CUL2: variants seen among roughly 807,000 people sequenced by gnomAD.
CUL2 encodes cullin 2.
In CUL2, 22 loss-of-function variants were observed where a neutral mutation model predicts 110.2. The ratio of observed to expected loss-of-function variants is 0.20; its 90% CI spans 0.14 to 0.28. CUL2 has a LOEUF of 0.28. Among genes scored for constraint, CUL2 ranks in the 10% least tolerant of loss-of-function variants. CUL2 has a pLI of 1.00. For synonymous variants in CUL2, 279 were observed against 293.2 expected, an observed-to-expected ratio of 0.95 and a Z score of 0.49; for missense variants, 631 against 905.5, an observed-to-expected ratio of 0.70 and a Z score of 3.89.
chr10:35,093,067 C>T (rs2087237633), upstream of CUL2, among the ~76,000 whole-genome samples: 1 of 152,034 alleles, frequency 6.6e-6, no homozygotes, highest in African/African-American at 2.4e-5. Flanking sequence ...AGAACTGGTC[C>T]TATGGCCCCA....
chr10:35,031,671 A>T lies in CUL2; in HGVS notation c.1171-52T>A, dbSNP rs544928525. On this transcript the variant is annotated intron_variant, in intron 12 of 20. Coordinates refer to ENST00000374749, the MANE Select transcript of CUL2 (RefSeq NM_003591.4). The surrounding 1 kb of genome is among the most constrained non-coding windows in gnomAD (Gnocchi z 4.4). ...TACAAAGGGTGCTTCTGTATATATC[A>T]CGCCTCAAAGGAGGCAAAGTGGTGA... 3 of 1,597,300 alleles carry T rather than the reference A, an allele frequency of 1.9e-6. No individual in the cohort carries two copies. In the South Asian group the frequency reaches 3.3e-5, roughly 18 times the overall value.
chr10:35,095,676 A>G (rs1435823830), intron 2 of CUL2, among the ~76,000 whole-genome samples: 1 of 152,096 alleles, frequency 6.6e-6, no homozygotes, highest in African/African-American at 2.4e-5. Context: ...CTCATGCCTC[A>G]GACTCCCGAG....
upstream of CUL2, among the ~76,000 whole-genome samples, chr10:35,091,584 G>A (rs1236892989): frequency 3.3e-5 from 5 of 151,358 alleles, no homozygotes; most frequent in Non-Finnish European, 5.9e-5. Context: ...AGGTCATAAG[G>A]TTAACAACTA....
chr10:35,118,612 T>A (rs1327175763), intron 1 of CUL2: 4 of 152,240 alleles, frequency 2.6e-5, no homozygotes, highest in African/African-American at 9.6e-5. Context: ...TGACTTTCTC[T>A]GGTATAGCTA....
chr10:35,053,244 T>C (rs1329513153), intron 5 of CUL2, among the ~76,000 whole-genome samples: 1 of 152,342 alleles, frequency 6.6e-6, no homozygotes, highest in South Asian at 2.1e-4. Flanking sequence ...TCACTTACAA[T>C]GCTACTAACT....
At chr10:35,088,499 CAAAAA>C (rs9299718) in intron 1 of CUL2, among the ~76,000 whole-genome samples, 29 of 88,556 alleles carry the variant, frequency 3.3e-4, no homozygotes, top group South Asian at 1.2e-3. Context: ...GACTCCGCCT[CAAAAA>C]AAAAAAAAAA....
chr10:35,041,649 C>T (rs66887762), intron 8 of CUL2, among the ~76,000 whole-genome samples: 44,556 of 152,124 alleles, frequency 0.29, 7,062 homozygotes, highest in South Asian at 0.35. Flanking sequence ...GTGATCTTCC[C>T]ACCTCAGCGT....
At chr10:35,047,715 G>A (rs1588996798) in intron 6 of CUL2, among the ~76,000 whole-genome samples, 1 of 151,368 alleles carries the variant, frequency 6.6e-6, no homozygotes, top group Non-Finnish European at 1.5e-5. Context: ...GTAGGAGCTC[G>A]AGACCAACCT....
Position 35,031,765 on chromosome 10 carries a change from G to A in CUL2, c.1171-146C>T. The A allele has an allele frequency of 1.3e-6, 1 of 769,284 alleles. No individual in the cohort carries two copies. The highest frequency in any genetic ancestry group is 2.7e-5 in the East Asian group (1 of 37,208). 47.7% of individuals were successfully genotyped at this position (769,284 alleles called of 1,614,324 possible). ...GAGACCGGGTCTTGCTCTGTTGCCAGGCTGGATTGCAGTGGACAAGATCAT... is the reference window on the plus strand; with the variant it reads ...GAGACCGGGTCTTGCTCTGTTGCCAAGCTGGATTGCAGTGGACAAGATCAT... On this transcript the variant is annotated intron_variant, in intron 12 of 20. Transcript: ENST00000374749. The surrounding 1 kb of genome is among the most constrained non-coding windows in gnomAD (Gnocchi z 4.4).
intron 1 of CUL2, among the ~76,000 whole-genome samples, chr10:35,108,400 T>G (rs2087488988): frequency 6.7e-6 from 1 of 148,486 alleles, no homozygotes; most frequent in Non-Finnish European, 1.5e-5. Context: ...GAGGCTGCAG[T>G]GAGCCAAGAT....
intron 3 of CUL2, 57 bp from the exon 4 acceptor site, chr10:35,061,025 A>C: frequency 6.6e-7 from 1 of 1,514,014 alleles, no homozygotes; most frequent in Admixed American, 1.9e-5. Context: ...TTCACTGTCA[A>C]CAATAAAATG....
At chr10:35,029,014 G>T in intron 15 of CUL2, 127 bp from the exon 16 acceptor site, 1 of 583,526 alleles carries the variant, frequency 1.7e-6, no homozygotes, top group Non-Finnish European at 3.0e-6. Context: ...TGAAATCTGA[G>T]TATTTCTATC....
At chr10:35,069,586 T>C (rs1325454228) in intron 2 of CUL2, among the ~76,000 whole-genome samples, 1 of 151,736 alleles carries the variant, frequency 6.6e-6, no homozygotes, top group Admixed American at 6.6e-5. Context: ...TAAACCATAT[T>C]AGATGGACCA....
intron 4 of CUL2, among the ~76,000 whole-genome samples, chr10:35,057,651 TG>T (rs1315943725): frequency 1.5e-5 from 2 of 135,478 alleles, no homozygotes; most frequent in Non-Finnish European, 3.1e-5. Flanking sequence ...AGACTCCGTC[TG>T]AAAAAAAAAA....
At position 35,105,021 on chromosome 10, in the gene CUL2, G is replaced by A. The variant is rs566162361; in HGVS notation, c.-50-3961C>T. On this transcript the variant is annotated intron_variant, in intron 1 of 5. Coordinates refer to the CUL2 transcript ENST00000685421. ...TGGGATTACAGGCGTGAGCCACCGT[G>A]CCCAGCCCAAAGACTCTTAAAGATA... 9.6e-4 allele frequency among the ~76,000 whole-genome samples: 146 copies of A among 151,918 alleles called. 1 individual carries two copies. The highest frequency in any genetic ancestry group is 3.3e-3 in the African/African-American group (138 of 41,442).
chr10:35,116,548 C>T (rs963583996), intron 1 of CUL2, among the ~76,000 whole-genome samples: 11 of 151,876 alleles, frequency 7.2e-5, no homozygotes, highest in Admixed American at 2.6e-4. Flanking sequence ...TTTGTGATCT[C>T]GTTTAACCCT....
At chr10:35,045,018 GA>G in intron 6 of CUL2, 150 bp from the exon 7 acceptor site, 3 of 552,582 alleles carry the variant, frequency 5.4e-6, no homozygotes, top group South Asian at 2.8e-5. Flanking sequence ...TCTTAACAAT[GA>G]TTTTTTTTAT....
intron 6 of CUL2, among the ~76,000 whole-genome samples, chr10:35,048,875 T>C (rs2086019150): frequency 6.6e-6 from 1 of 152,030 alleles, no homozygotes; most frequent in Non-Finnish European, 1.5e-5. Context: ...CTCCCAGGAG[T>C]CCCATACTAA....
chr10:35,111,865 G>A (rs1410189957), intron 1 of CUL2, among the ~76,000 whole-genome samples: 2 of 152,170 alleles, frequency 1.3e-5, no homozygotes, highest in Non-Finnish European at 1.5e-5. Flanking sequence ...ACTCCAGCCT[G>A]ATATATTGCT....
Sources: allele counts gnomAD v4.1 joint callset (sites outside exome capture counted in the v4.1 genomes callset), GRCh38; gene constraint gnomAD v4.1.1; non-coding constraint Gnocchi (gnomAD v3.1); transcripts MANE v1.5; gene names NCBI Gene and HGNC (gene_info 2026-07-23, HGNC 2026-07-21).